The following LEKR1 variants were observed in gnomAD, a reference collection of about 807,000 sequenced individuals.
LEKR1 encodes the protein leucine, glutamate and lysine rich 1.
In LEKR1, 59 loss-of-function variants were observed where a neutral mutation model predicts 72.4. The ratio of observed to expected loss-of-function variants is 0.82; its 90% confidence interval spans 0.66 to 1.01. The LOEUF (loss-of-function observed/expected upper bound fraction) is 1.01. Ranked by LOEUF, LEKR1 falls within the 50% of genes least tolerant of loss-of-function variation. LEKR1 has a pLI of 0.00. For synonymous variants in LEKR1, 257 were observed against 263.2 expected, an observed-to-expected ratio of 0.98 and a Z score of 0.23; for missense variants, 728 against 759.2, an observed-to-expected ratio of 0.96 and a Z score of 0.48.
chr3:156,992,273 G>A (rs1034349029), intron 7 of LEKR1, among the ~76,000 whole-genome samples: 6 of 152,152 alleles, frequency 3.9e-5, no homozygotes, highest in African/African-American at 1.4e-4. Flanking sequence ...GTGCTGACTG[G>A]GGGCTGCCCT....
At chr3:156,838,456 C>T (rs960336412) in intron 2 of LEKR1, among the ~76,000 whole-genome samples, 7 of 152,142 alleles carry the variant, frequency 4.6e-5, no homozygotes, top group Non-Finnish European at 1.0e-4. Flanking sequence ...GACATCTCCC[C>T]AAACCCAGAG....
intron 4 of LEKR1, among the ~76,000 whole-genome samples, chr3:156,922,590 G>T (rs973573925): frequency 6.6e-6 from 1 of 152,018 alleles, no homozygotes; most frequent in African/African-American, 2.4e-5. Context: ...TTAATCACTA[G>T]CCTCCAGCAA....
intron 5 of LEKR1, among the ~76,000 whole-genome samples, chr3:156,929,244 A>G (rs1280900489): frequency 2.6e-5 from 4 of 151,934 alleles, no homozygotes; most frequent in South Asian, 2.1e-4. Context: ...ACCACCCTAC[A>G]AAACTTTTGA....
chr3:157,003,534 A>G (rs1207440971), intron 9 of LEKR1, among the ~76,000 whole-genome samples: 2 of 152,170 alleles, frequency 1.3e-5, no homozygotes, highest in East Asian at 3.8e-4. Flanking sequence ...TACATCTTCC[A>G]TCTGTTACAA....
intron 4 of LEKR1, among the ~76,000 whole-genome samples, chr3:156,926,656 A>G (rs1194737430): frequency 6.6e-6 from 1 of 151,918 alleles, no homozygotes; most frequent in Non-Finnish European, 1.5e-5. Flanking sequence ...CCAACTGAGG[A>G]GGAATCTATT....
rs930000391 is a variant in LEKR1 at position 156,839,648 on chromosome 3, AT to A, written c.48+10280del. Among the ~76,000 whole-genome samples, 28 of 151,794 alleles carry A rather than the reference AT, an allele frequency of 1.8e-4. No individual in the cohort carries two copies. In the East Asian group the frequency reaches 5.0e-3, roughly 27 times the overall value. On this transcript the variant is annotated intron_variant, in intron 2 of 12. Coordinates refer to ENST00000356539, the MANE Select transcript of LEKR1 (RefSeq NM_001004316.3). ...ATTAGCAGAGGACAACTTGGAGATGATTTTTTTTTCTGAATCAGTGCAGACA... is the reference window on the plus strand; with the variant it reads ...ATTAGCAGAGGACAACTTGGAGATGATTTTTTTTCTGAATCAGTGCAGACA...
chr3:156,996,805 C>T (rs1731607957), intron 9 of LEKR1, among the ~76,000 whole-genome samples: 3 of 152,116 alleles, frequency 2.0e-5, no homozygotes, highest in Admixed American at 2.0e-4. Context: ...TGGTTCATGC[C>T]TGTGATTCCA....
intron 3 of LEKR1, among the ~76,000 whole-genome samples, chr3:156,890,266 GAACT>G (rs1477502992): frequency 2.6e-5 from 4 of 152,206 alleles, no homozygotes; most frequent in East Asian, 3.9e-4. Flanking sequence ...GTAACAGTCT[GAACT>G]AACTCATTTA....
intron 6 of LEKR1, among the ~76,000 whole-genome samples, chr3:156,949,138 T>C (rs1028452077): frequency 1.3e-5 from 2 of 151,742 alleles, no homozygotes; most frequent in African/African-American, 4.8e-5. Flanking sequence ...ATAGTTTCTT[T>C]TGGTGTGCAG....
intron 5 of LEKR1, among the ~76,000 whole-genome samples, chr3:156,934,246 G>A (rs1215171042): frequency 6.6e-6 from 1 of 152,060 alleles, no homozygotes; most frequent in East Asian, 1.9e-4. Flanking sequence ...TGATTGTTTT[G>A]CTGAGTGCTG....
intron 6 of LEKR1, among the ~76,000 whole-genome samples, chr3:156,972,812 TAA>T (rs1304578529): frequency 1.3e-5 from 2 of 151,526 alleles, no homozygotes; most frequent in African/African-American, 2.4e-5. Context: ...AGTGAAAAAA[TAA>T]GACAGGTGTT....
intron 2 of LEKR1, among the ~76,000 whole-genome samples, chr3:156,848,127 A>G (rs1205678423): frequency 2.0e-5 from 3 of 152,212 alleles, no homozygotes; most frequent in African/African-American, 7.2e-5. Context: ...AATTGAGAAG[A>G]AGAAACTAAA....
intron 2 of LEKR1, among the ~76,000 whole-genome samples, chr3:156,839,799 A>G (rs1713659665): frequency 6.6e-6 from 1 of 152,232 alleles, no homozygotes; most frequent in Non-Finnish European, 1.5e-5. Context: ...TTCCTATGAT[A>G]TGGGCGCTGA....
At chr3:156,888,456 T>A (rs1720329787) in intron 3 of LEKR1, 2 of 687,706 alleles carry the variant, frequency 2.9e-6, no homozygotes, top group African/African-American at 3.5e-5. Context: ...AAATAAATAT[T>A]TTTTTGAAAT....
At chr3:156,932,147 A>G (rs1260318853) in intron 5 of LEKR1, among the ~76,000 whole-genome samples, 2 of 152,202 alleles carry the variant, frequency 1.3e-5, no homozygotes, top group Non-Finnish European at 2.9e-5. Flanking sequence ...CAAAGAAAAT[A>G]TAGTAAAATA....
chr3:156,859,333 A>G (rs1238756649), intron 3 of LEKR1, among the ~76,000 whole-genome samples: 2 of 152,220 alleles, frequency 1.3e-5, no homozygotes, highest in African/African-American at 4.8e-5. Flanking sequence ...TTTTGCTGAT[A>G]TAGAATATCC....
chr3:157,045,758 T>G lies in LEKR1; in HGVS notation c.*8T>G, dbSNP rs1486751196. On this transcript the variant is annotated 3_prime_UTR_variant, in exon 13 of 13. Coordinates refer to ENST00000356539, the MANE Select transcript of LEKR1 (RefSeq NM_001004316.3). ...AGGCGGAGTCAGCAATGATCCAAAATGAGGAGCAGGAAGCTCCCTACAGCG... is the reference window on the plus strand; with the variant it reads ...AGGCGGAGTCAGCAATGATCCAAAAGGAGGAGCAGGAAGCTCCCTACAGCG... 6 of 1,604,482 alleles carry G rather than the reference T, an allele frequency of 3.7e-6. No homozygotes were observed. Among genetic ancestry groups the G allele is most frequent in the Non-Finnish European group, 5.1e-6 (6 of 1,179,320 alleles).
At chr3:156,846,311 C>G (rs966113553) in intron 2 of LEKR1, among the ~76,000 whole-genome samples, 1 of 152,036 alleles carries the variant, frequency 6.6e-6, no homozygotes, top group Admixed American at 6.6e-5. Context: ...TTTATTTCCC[C>G]TTCTTGCATT....
chr3:156,976,110 A>C (rs1211645725), intron 6 of LEKR1, among the ~76,000 whole-genome samples: 4 of 152,138 alleles, frequency 2.6e-5, no homozygotes, highest in African/African-American at 7.2e-5. Flanking sequence ...TGCTTCTAAA[A>C]ACAAAAGGAC....
Sources: allele counts gnomAD v4.1 joint callset (sites outside exome capture counted in the v4.1 genomes callset), GRCh38; gene constraint gnomAD v4.1.1; transcripts MANE v1.5; gene names NCBI Gene and HGNC (gene_info 2026-07-23, HGNC 2026-07-21).